The following SPARCL1 variants were observed in gnomAD, a reference collection of about 807,000 sequenced individuals.
SPARCL1 encodes the protein SPARC like 1.
In SPARCL1, 52 loss-of-function variants were observed where a neutral mutation model predicts 67.1. The ratio of observed to expected loss-of-function variants is 0.78; its 90% CI spans 0.62 to 0.98. The LOEUF is 0.98. Ranked by LOEUF, SPARCL1 falls within the 50% of genes least tolerant of loss-of-function variation. SPARCL1 has a pLI of 0.00. For missense variants in SPARCL1, 717 were observed against 782.4 expected, an observed-to-expected ratio of 0.92 and a Z score of 1.00; for synonymous variants, 226 against 267.8, an observed-to-expected ratio of 0.84 and a Z score of 1.52.
At chr4:87,501,405 C>T (rs1724843238) in intron 1 of SPARCL1, among the ~76,000 whole-genome samples, 1 of 152,294 alleles carries the variant, frequency 6.6e-6, no homozygotes, top group African/African-American at 2.4e-5. Context: ...AAACCACACA[C>T]AGGAGACAGA....
At chr4:87,476,968 G>A (rs1723608536) in intron 10 of SPARCL1, among the ~76,000 whole-genome samples, 2 of 152,192 alleles carry the variant, frequency 1.3e-5, no homozygotes, top group Non-Finnish European at 2.9e-5. Context: ...TACGTGTTCT[G>A]ACTGAATATT....
intron 10 of SPARCL1, among the ~76,000 whole-genome samples, chr4:87,476,175 G>GCCTCTATTTA (rs986453927): frequency 6.6e-6 from 1 of 152,154 alleles, no homozygotes; most frequent in African/African-American, 2.4e-5. Flanking sequence ...AGTGGAAGAT[G>GCCTCTATTTA]CCTCTATTTA....
chr4:87,519,138 T>G (rs1387698493), intron 1 of SPARCL1, among the ~76,000 whole-genome samples: 1 of 151,852 alleles, frequency 6.6e-6, no homozygotes, highest in African/African-American at 2.4e-5. Context: ...GTGGCTGATC[T>G]CTACTCACTG....
In SPARCL1 at chr4:87,490,306, G is replaced by C; in HGVS notation, c.1498C>G (p.Gln500Glu). The C allele has an allele frequency of 6.2e-7, 1 of 1,613,270 alleles. No homozygotes were observed. The highest frequency in any genetic ancestry group is 8.5e-7 in the Non-Finnish European group (1 of 1,179,632). Residue 500 changes from glutamine to glutamate, a missense_variant, in exon 7 of 11, where the codon CAA (glutamine) becomes GAA (glutamate). By Grantham distance (29) the Gln-to-Glu change is conservative. Coordinates refer to ENST00000282470, the MANE Select transcript of SPARCL1 (RefSeq NM_004684.6). ...GCTCCAAAATAATCCAGCTGGAGTT[G>C]ATGCCCCTTTTTGGTCCCCTCCAGT... Reference protein sequence around the residue: ...CRLEGTKKGHQLQLDYFGACK... With the variant: ...CRLEGTKKGHELQLDYFGACK...
chr4:87,500,784 ACG>A (rs1560822090), intron 1 of SPARCL1, among the ~76,000 whole-genome samples: 6 of 105,150 alleles, frequency 5.7e-5, no homozygotes, highest in African/African-American at 3.0e-4. Context: ...ACACACACGT[ACG>A]CGCGCACGCA....
At chr4:87,491,508 G>A (rs1275382992) in intron 5 of SPARCL1, 110 bp downstream of exon 5, 3 of 851,180 alleles carry the variant, frequency 3.5e-6, no homozygotes, top group East Asian at 4.8e-5. Context: ...GGACTGGGGA[G>A]AGAAAAAATT....
chr4:87,483,736 T>C (rs946851383), intron 7 of SPARCL1, among the ~76,000 whole-genome samples: 6 of 152,260 alleles, frequency 3.9e-5, no homozygotes, highest in African/African-American at 1.4e-4. Flanking sequence ...TCACATCCTC[T>C]CCAGTATCTG....
At chr4:87,500,191 C>G (rs958115644) in intron 1 of SPARCL1, among the ~76,000 whole-genome samples, 1 of 152,190 alleles carries the variant, frequency 6.6e-6, no homozygotes, top group African/African-American at 2.4e-5. Flanking sequence ...AACCATCTGA[C>G]CTCTTAGCAA....
chr4:87,524,038 C>T (rs1298413979), intron 1 of SPARCL1, among the ~76,000 whole-genome samples: 1 of 152,182 alleles, frequency 6.6e-6, no homozygotes, highest in East Asian at 1.9e-4. Flanking sequence ...GGATAGAACA[C>T]TGAATACATT....
chr4:87,492,417 CAAAA>C (rs1217416962), intron 4 of SPARCL1, among the ~76,000 whole-genome samples: 2 of 75,236 alleles, frequency 2.7e-5, no homozygotes, highest in Admixed American at 1.6e-4. Context: ...GACTCCGTCT[CAAAA>C]AAAAAAAAAA....
At chr4:87,497,962 T>A (rs1724690965) in intron 2 of SPARCL1, among the ~76,000 whole-genome samples, 1 of 152,202 alleles carries the variant, frequency 6.6e-6, no homozygotes, top group Non-Finnish European at 1.5e-5. Context: ...CCTCACTATG[T>A]TACCCAGGCC....
intron 7 of SPARCL1, among the ~76,000 whole-genome samples, chr4:87,487,015 C>T (rs1724103724): frequency 6.9e-6 from 1 of 145,526 alleles, no homozygotes; most frequent in Non-Finnish European, 1.5e-5. Context: ...CTCCTGAATA[C>T]AGTATGCTGA....
chr4:87,473,958 T>G (rs569306571), intron 10 of SPARCL1, among the ~76,000 whole-genome samples, 155 bp from the exon 11 acceptor site: 1 of 152,244 alleles, frequency 6.6e-6, no homozygotes, highest in African/African-American at 2.4e-5. Context: ...CTCATGAACT[T>G]TTACAAATAT....
At chr4:87,507,672 C>G (rs1291495028) in intron 1 of SPARCL1, among the ~76,000 whole-genome samples, 1 of 152,218 alleles carries the variant, frequency 6.6e-6, no homozygotes, top group Non-Finnish European at 1.5e-5. Flanking sequence ...CAGGCACCAG[C>G]TGAGTGTCCT....
At chr4:87,517,444 T>G (rs965831914) in intron 1 of SPARCL1, among the ~76,000 whole-genome samples, 6 of 152,214 alleles carry the variant, frequency 3.9e-5, no homozygotes, top group Admixed American at 2.0e-4. Context: ...ATGATTGGCT[T>G]CATGTTGTTA....
chr4:87,512,169 T>C (rs909511499), intron 1 of SPARCL1, among the ~76,000 whole-genome samples: 1 of 152,014 alleles, frequency 6.6e-6, no homozygotes, highest in African/African-American at 2.4e-5. Context: ...GGTTTCACCA[T>C]GTTGGTCAGG....
chr4:87,506,992 T>TTTTTTCTC lies in SPARCL1; in HGVS notation c.-11-7408_-11-7407insGAGAAAAA, dbSNP rs1282937958. Among the ~76,000 whole-genome samples the TTTTTTCTC allele has an allele frequency of 6.6e-5, 10 of 152,348 alleles. No homozygotes were observed. In the East Asian group the frequency reaches 1.2e-3, roughly 18 times the overall value. On this transcript the variant is annotated intron_variant, in intron 1 of 10. Coordinates refer to ENST00000282470, the MANE Select transcript of SPARCL1 (RefSeq NM_004684.6). ...AATTTTAATTCTTTTTTCTCTCATC[T>TTTTTTCTC]TCCTGATAAGTTAAGTTGTGATTCT... is the stretch of plus-strand genomic sequence containing the variant.
intron 10 of SPARCL1, among the ~76,000 whole-genome samples, chr4:87,475,889 T>TA (rs1723564800): frequency 1.3e-5 from 2 of 152,188 alleles, no homozygotes; most frequent in Admixed American, 1.3e-4. Flanking sequence ...GGTATATTTA[T>TA]AAAAAAATCA....
At position 87,474,530 on chromosome 4, in the gene SPARCL1, C is replaced by T. The variant is rs1378524922; in HGVS notation, c.1967-727G>A. Among the ~76,000 whole-genome samples, 7 of 152,114 alleles carry T rather than the reference C, an allele frequency of 4.6e-5. No homozygotes were observed. In the East Asian group the frequency reaches 1.4e-3, roughly 29 times the overall value. ...GCTCAGATAAGAGATTGTCCTTTTT[C>T]TTGACGTTAAGGCTAATTCCTCTAC... On this transcript the variant is annotated intron_variant, in intron 10 of 10. Coordinates refer to ENST00000282470, the MANE Select transcript of SPARCL1 (RefSeq NM_004684.6).
Sources: gnomAD v4.1 joint callset for allele counts (sites outside exome capture counted in the v4.1 genomes callset) on GRCh38, gnomAD v4.1.1 for gene constraint, MANE v1.5 for transcripts, NCBI Gene and HGNC (gene_info 2026-07-23, HGNC 2026-07-21) for gene names.